The following ANKS1A variants were observed in gnomAD, a reference collection of about 807,000 sequenced individuals.
ANKS1A encodes ankyrin repeat and SAM domain-containing protein 1A.
ANKS1A carries 55 observed loss-of-function variants against 120.3 expected under a neutral mutation model. That is an observed-to-expected ratio of 0.46 (90% CI 0.37 to 0.57). ANKS1A has a LOEUF of 0.57. ANKS1A is among the 20% of genes least tolerant of loss of function. ANKS1A has a pLI of 0.00. For missense variants in ANKS1A, 1,123 were observed against 1,480.3 expected (o/e 0.76, Z 3.96); for synonymous variants, 590 against 604.7 (o/e 0.98, Z 0.36).
In ANKS1A at chr6:35,086,943, G is replaced by A; in HGVS notation, c.3304-9G>A. On this transcript the variant is annotated splice_polypyrimidine_tract_variant and intron_variant, in intron 22 of 23. Coordinates refer to ENST00000360359, the MANE Select transcript of ANKS1A (RefSeq NM_015245.3). This position sits in a 1 kb window ranked among gnomAD's most constrained non-coding sequence, Gnocchi z 5.1. ...CCCTCTGACTCTTGACTGCTTCCTT[G>A]TTTGGCAGCTGGAACCACCTGATAT... 1.9e-6 allele frequency: 3 copies of A among 1,614,076 alleles called. No homozygotes were observed. Among genetic ancestry groups the A allele is most frequent in the Admixed American group, 3.3e-5 (2 of 60,030 alleles).
At chr6:35,005,741 A>C in intron 10 of ANKS1A, 1 of 451,112 alleles carries the variant, frequency 2.2e-6, no homozygotes, top group South Asian at 1.6e-5. Context: ...AAAAACCGCT[A>C]CATATGAAGA....
chr6:35,092,377 C>T (rs1240569762), downstream of ANKS1A, among the ~76,000 whole-genome samples: 3 of 152,180 alleles, frequency 2.0e-5, no homozygotes, highest in Non-Finnish European at 4.4e-5. Context: ...ATGTCTAAAA[C>T]TTAACCTCTT....
In ANKS1A at chr6:35,091,361, A is replaced by C; in HGVS notation, c.*2752A>C. ...TTTTGTTATTTTCATAACTGTACAC[A>C]ACTTAGAACAGACTGAATTAATAAA... On this transcript the variant is annotated 3_prime_UTR_variant, in exon 24 of 24. Transcript: ENST00000360359. The C allele has an allele frequency of 1.0e-6, 1 of 985,526 alleles. No individual in the cohort carries two copies. Among genetic ancestry groups the C allele is most frequent in the Non-Finnish European group, 1.2e-6 (1 of 829,912 alleles). The allele number at this position is 985,526 out of a possible 1,614,324, so 61.0% of individuals were successfully genotyped here.
intron 13 of ANKS1A, among the ~76,000 whole-genome samples, chr6:35,061,481 T>C (rs1290679651): frequency 2.0e-5 from 3 of 152,136 alleles, no homozygotes; most frequent in Admixed American, 2.0e-4. Context: ...TGTTCTCTAA[T>C]GGGGGCTTCT....
chr6:35,079,590 C>T lies in ANKS1A; in HGVS notation c.2358C>T (p.Asp786=). 1 of 1,614,190 alleles carries T rather than the reference C, an allele frequency of 6.2e-7. No individual in the cohort carries two copies. Among genetic ancestry groups the T allele is most frequent in the African/African-American group, 1.3e-5 (1 of 75,046 alleles). ...PSWLDSLGLQ[D]YVHSFLSSGY... is the part of the protein sequence containing the mutation. ...GGCTGGACTCCCTGGGGCTGCAGGA[C>T]TACGTCCATTCCTTCTTGTCAAGTG... Residue 786 remains aspartate, a synonymous_variant, in exon 15 of 24, where the codon GAC becomes GAT. Coordinates refer to ENST00000360359, the MANE Select transcript of ANKS1A (RefSeq NM_015245.3).
chr6:34,967,088 G>C, intron 1 of ANKS1A, 151 bp from the exon 2 acceptor site: 2 of 675,774 alleles, frequency 3.0e-6, no homozygotes, highest in Non-Finnish European at 5.2e-6. Flanking sequence ...GCAGTGTATA[G>C]CTGCTGTGTG....
intron 11 of ANKS1A, among the ~76,000 whole-genome samples, chr6:35,020,478 T>C (rs1367043886): frequency 6.6e-6 from 1 of 152,176 alleles, no homozygotes; most frequent in Non-Finnish European, 1.5e-5. Context: ...CTCCTGGATA[T>C]GCTATCAAGG....
At chr6:34,977,218 T>C (rs777355907) in intron 3 of ANKS1A, among the ~76,000 whole-genome samples, 3 of 152,216 alleles carry the variant, frequency 2.0e-5, no homozygotes, top group Admixed American at 6.5e-5. Flanking sequence ...TCCTTATGAT[T>C]AGATTCTGGG....
intron 1 of ANKS1A, among the ~76,000 whole-genome samples, chr6:34,931,819 C>T (rs1768996640): frequency 6.6e-6 from 1 of 152,192 alleles, no homozygotes; most frequent in Non-Finnish European, 1.5e-5. Context: ...ACACCCGTTT[C>T]TGTGAAGGAC....
downstream of ANKS1A, among the ~76,000 whole-genome samples, chr6:35,092,817 C>A (rs1406238572): frequency 6.6e-6 from 1 of 152,214 alleles, no homozygotes; most frequent in African/African-American, 2.4e-5. Context: ...TACTCCTCCA[C>A]ATCCTCATGA....
chr6:35,024,307 G>T (rs1290182744), intron 11 of ANKS1A, among the ~76,000 whole-genome samples: 2 of 152,172 alleles, frequency 1.3e-5, no homozygotes, highest in Non-Finnish European at 2.9e-5. Flanking sequence ...TGGCTTTCTG[G>T]TCATATTGTG....
intron 3 of ANKS1A, among the ~76,000 whole-genome samples, chr6:34,971,427 A>G (rs766782850): frequency 6.6e-6 from 1 of 152,172 alleles, no homozygotes; most frequent in Non-Finnish European, 1.5e-5. Context: ...ACTCCCTGTC[A>G]TTTGGGTTGG....
At chr6:35,028,572 G>C (rs1247026927) in intron 11 of ANKS1A, among the ~76,000 whole-genome samples, 2 of 152,154 alleles carry the variant, frequency 1.3e-5, no homozygotes, top group East Asian at 1.9e-4. Context: ...AAGTCTTCCA[G>C]ATTTTCAGTT....
At position 34,970,136 on chromosome 6, in the gene ANKS1A, A is replaced by G. The variant is rs1771106625; in HGVS notation, c.405A>G (p.Gln135=). The G allele has an allele frequency of 6.2e-7, 1 of 1,613,952 alleles. No individual in the cohort carries two copies. Among genetic ancestry groups the G allele is most frequent in the Non-Finnish European group, 8.5e-7 (1 of 1,179,978 alleles). ...AGATAGTGCGGTTGCTCATCCATCA[A>G]GGGCCTTCACACACCAGAGTCAATG... The part of the protein sequence containing the change: ...DAQIVRLLIH[Q]GPSHTRVNEQ... Residue 135 remains glutamine, a synonymous_variant, in exon 3 of 24, where the codon CAA becomes CAG. Coordinates refer to ENST00000360359, the MANE Select transcript of ANKS1A (RefSeq NM_015245.3).
At position 35,017,781 on chromosome 6, in the gene ANKS1A, C is replaced by G. The variant is rs62402705; in HGVS notation, c.1732C>G (p.Arg578Gly). ...YLTGLPTTNS[R>G]SHPETLTHTA... ...CACAGGCCTGCCCACCACCAACAGCCGCTCGCACCCTGAAACTTTGACTCA... is the reference window on the plus strand; with the variant it reads ...CACAGGCCTGCCCACCACCAACAGCGGCTCGCACCCTGAAACTTTGACTCA... The change falls in exon 11 of 24, where the codon CGC becomes GGC. Residue 578 changes from arginine to glycine, a missense_variant. By Grantham distance (125) the Arg-to-Gly change is moderately radical. Coordinates refer to ENST00000360359, the MANE Select transcript of ANKS1A (RefSeq NM_015245.3). 7.6e-3 allele frequency: 12,281 copies of G among 1,614,182 alleles called. 83 individuals carry two copies. Among genetic ancestry groups the G allele is most frequent in the South Asian group, 0.022 (2,013 of 91,092 alleles).
At chr6:35,033,683 A>G (rs1444303456) in intron 11 of ANKS1A, among the ~76,000 whole-genome samples, 4 of 152,222 alleles carry the variant, frequency 2.6e-5, no homozygotes, top group Non-Finnish European at 5.9e-5. Context: ...TGATGGATGC[A>G]TTTGTTTCAC....
intron 9 of ANKS1A, among the ~76,000 whole-genome samples, chr6:34,992,843 A>C (rs1483237766): frequency 6.6e-6 from 1 of 152,186 alleles, no homozygotes; most frequent in Non-Finnish European, 1.5e-5. Flanking sequence ...CAGGAGCTGC[A>C]GTTTCTTGTT....
intron 15 of ANKS1A, 23 bp from the exon 16 acceptor site, chr6:35,079,798 C>T (rs777184093): frequency 1.9e-6 from 3 of 1,589,904 alleles, no homozygotes; most frequent in Non-Finnish European, 8.6e-7. Context: ...TGACCTGTCA[C>T]CTCGCTGCTC....
intron 1 of ANKS1A, among the ~76,000 whole-genome samples, chr6:34,892,994 G>C (rs1442049699): frequency 6.6e-6 from 1 of 152,082 alleles, no homozygotes; most frequent in Non-Finnish European, 1.5e-5. Context: ...CTTTTTCTTA[G>C]CATTAAGCAT....
Sources: gnomAD v4.1 joint callset for allele counts (sites outside exome capture counted in the v4.1 genomes callset) on GRCh38, gnomAD v4.1.1 for gene constraint, Gnocchi (gnomAD v3.1) non-coding constraint, MANE v1.5 for transcripts, NCBI Gene and HGNC (gene_info 2026-07-23, HGNC 2026-07-21) for gene names.